The following FBLN1 variants were observed in gnomAD, a reference collection of about 807,000 sequenced individuals.
The protein encoded by FBLN1 is fibulin-1.
FBLN1 carries 34 observed loss-of-function variants against 89.7 expected under a neutral mutation model. The ratio of observed to expected loss-of-function variants is 0.38; its 90% CI spans 0.29 to 0.50. The LOEUF is 0.50. FBLN1 is among the 20% of genes least tolerant of loss of function. The pLI, the probability that FBLN1 is intolerant of heterozygous loss-of-function variation, is 0.92. For missense variants in FBLN1, 777 were observed against 988.1 expected (o/e 0.79, Z 2.86); for synonymous variants, 393 against 391.3 (o/e 1.00, Z -0.05).
rs1380152978 is a variant in FBLN1 at position 45,579,452 on chromosome 22, C to G, written c.1972+2344C>G. Among the ~76,000 whole-genome samples, 1 of 152,248 alleles carries G rather than the reference C, an allele frequency of 6.6e-6. No individual in the cohort carries two copies. Among genetic ancestry groups the G allele is most frequent in the Non-Finnish European group, 1.5e-5 (1 of 68,042 alleles). Reference sequence around the variant, plus strand: ...GGAATGTGGATGAGGCCACAAGGACCCAGCGGCTTCCCCCGGCACAGTTGG... The same window carrying G: ...GGAATGTGGATGAGGCCACAAGGACGCAGCGGCTTCCCCCGGCACAGTTGG... On this transcript the variant is annotated intron_variant, in intron 16 of 16. Coordinates refer to ENST00000327858, the MANE Select transcript of FBLN1 (RefSeq NM_006486.3). This position sits in a 1 kb window ranked among gnomAD's most constrained non-coding sequence, Gnocchi z 5.5.
intron 14 of FBLN1, among the ~76,000 whole-genome samples, chr22:45,555,294 ATGG>A (rs1417518200): frequency 7.2e-6 from 1 of 138,380 alleles, no homozygotes; most frequent in Admixed American, 7.2e-5. Flanking sequence ...TATATATAAA[ATGG>A]AATATATATA....
intron 2 of FBLN1, among the ~76,000 whole-genome samples, chr22:45,520,366 C>A (rs1265410818): frequency 1.3e-5 from 2 of 152,202 alleles, no homozygotes; most frequent in African/African-American, 4.8e-5. Flanking sequence ...TTCTGAGGCT[C>A]CTCTCCTGGG....
At chr22:45,512,224 T>C (rs2146942154) in intron 1 of FBLN1, among the ~76,000 whole-genome samples, 1 of 152,166 alleles carries the variant, frequency 6.6e-6, no homozygotes, top group Middle Eastern at 3.4e-3. Context: ...ATTATCCTCC[T>C]GACTCACAGT....
At position 45,594,220 on chromosome 22, in the gene FBLN1, G is replaced by A. The variant is rs141799489; in HGVS notation, c.1973-6087G>A. Among the ~76,000 whole-genome samples, 29 of 152,306 alleles carry A rather than the reference G, an allele frequency of 1.9e-4. No individual in the cohort carries two copies. The East Asian group carries it at 5.6e-3, about 29-fold the overall frequency. On this transcript the variant is annotated intron_variant, in intron 16 of 16. Transcript: ENST00000327858. ...TTCTTCCTCCTTCCCTTGCCTCCCTGTGTTAGAGAAGTTGGTGGTGGTTCT... is the reference window on the plus strand; with the variant it reads ...TTCTTCCTCCTTCCCTTGCCTCCCTATGTTAGAGAAGTTGGTGGTGGTTCT...
At chr22:45,547,274 C>G in intron 12 of FBLN1, 70 bp downstream of exon 12, 2 of 1,597,112 alleles carry the variant, frequency 1.3e-6, no homozygotes, top group South Asian at 1.1e-5. Flanking sequence ...AGCACGGCCT[C>G]TGACTTTCAA....
At chr22:45,509,991 C>T (rs1195499571) in intron 1 of FBLN1, among the ~76,000 whole-genome samples, 1 of 152,072 alleles carries the variant, frequency 6.6e-6, no homozygotes, top group Non-Finnish European at 1.5e-5. Context: ...CCCTCAGCTG[C>T]CTCTGAGTTT....
Position 45,543,543 on chromosome 22 carries a change from G to A in FBLN1, c.1321+17G>A, listed in dbSNP as rs768009104. 45 of 1,611,088 alleles carry A rather than the reference G, an allele frequency of 2.8e-5. No individual in the cohort carries two copies. Among genetic ancestry groups the A allele is most frequent in the Admixed American group, 1.2e-4 (7 of 59,896 alleles). Reference sequence around the variant, plus strand: ...CATGTGAAGGTGAGGCTGGGGCCCCGTCCACTCACCTCCCCCAGGTCACCT... The same window carrying A: ...CATGTGAAGGTGAGGCTGGGGCCCCATCCACTCACCTCCCCCAGGTCACCT... On this transcript the variant is annotated intron_variant, in intron 11 of 16. Transcript: ENST00000327858.
intron 1 of FBLN1, among the ~76,000 whole-genome samples, chr22:45,506,750 T>C (rs2088026575): frequency 6.6e-6 from 1 of 152,116 alleles, no homozygotes; most frequent in African/African-American, 2.4e-5. Flanking sequence ...TCCTCACCAC[T>C]GGGGGAGACT....
intron 11 of FBLN1, among the ~76,000 whole-genome samples, chr22:45,546,400 A>G (rs1201699031): frequency 6.6e-6 from 1 of 152,164 alleles, no homozygotes; most frequent in Non-Finnish European, 1.5e-5. Flanking sequence ...TATTTTTAGT[A>G]GAGATGGGTT....
At position 45,557,261 on chromosome 22, in the gene FBLN1, A is replaced by G. The variant is rs2088800380; in HGVS notation, c.1697+6646A>G. On this transcript the variant is annotated intron_variant, in intron 14 of 16. Transcript: ENST00000327858. This position sits in a 1 kb window ranked among gnomAD's most constrained non-coding sequence, Gnocchi z 4.9. ...GGCATTCTGTGAACCCACGGATGGTAGTCTTGGCAGAAGCATCGTGTGCAG... is the reference window on the plus strand; with the variant it reads ...GGCATTCTGTGAACCCACGGATGGTGGTCTTGGCAGAAGCATCGTGTGCAG... Among the ~76,000 whole-genome samples the G allele has an allele frequency of 6.6e-6, 1 of 152,208 alleles. No individual in the cohort carries two copies. The highest frequency in any genetic ancestry group is 6.5e-5 in the Admixed American group (1 of 15,286).
At chr22:45,520,200 C>T (rs975668042) in intron 2 of FBLN1, among the ~76,000 whole-genome samples, 10 of 152,258 alleles carry the variant, frequency 6.6e-5, no homozygotes, top group African/African-American at 2.4e-4. Flanking sequence ...TCAGAGATCA[C>T]CTATGAAATC....
chr22:45,592,141 C>T (rs191370169), intron 16 of FBLN1, among the ~76,000 whole-genome samples: 1 of 152,166 alleles, frequency 6.6e-6, no homozygotes, highest in Non-Finnish European at 1.5e-5. Flanking sequence ...AGTAGCGCCT[C>T]ATTTTTCTCC....
rs2088504422 is a variant in FBLN1 at position 45,537,958 on chromosome 22, T to C, written c.922+2621T>C. On this transcript the variant is annotated intron_variant, in intron 8 of 16. Coordinates refer to ENST00000327858, the MANE Select transcript of FBLN1 (RefSeq NM_006486.3). The surrounding 1 kb of genome is among the most constrained non-coding windows in gnomAD (Gnocchi z 5.7). ...GACTGAGGATGGAAACCCTGACTCA[T>C]GGCAAAATCAGCCCCGATTTCCACA... Among the ~76,000 whole-genome samples the C allele has an allele frequency of 6.6e-6, 1 of 152,236 alleles. No individual in the cohort carries two copies. The highest frequency in any genetic ancestry group is 2.1e-4 in the South Asian group (1 of 4,836).
chr22:45,569,815 C>G (rs1425963777), intron 14 of FBLN1, among the ~76,000 whole-genome samples: 1 of 152,132 alleles, frequency 6.6e-6, no homozygotes. Context: ...GGACTTTCAG[C>G]CTTCAGAACC....
At chr22:45,519,828 G>A (rs1024196169) in intron 2 of FBLN1, among the ~76,000 whole-genome samples, 1 of 152,040 alleles carries the variant, frequency 6.6e-6, no homozygotes, top group African/African-American at 2.4e-5. Flanking sequence ...TGGGTGACCT[G>A]AGCCAGCTCA....
chr22:45,544,478 A>G (rs1306021643), intron 11 of FBLN1, among the ~76,000 whole-genome samples: 1 of 152,228 alleles, frequency 6.6e-6, no homozygotes. Context: ...TTCCCCAGGC[A>G]TGTCCCCAGC....
At position 45,590,879 on chromosome 22, in the gene FBLN1, T is replaced by C. The variant is rs996924700; in HGVS notation, c.1973-9428T>C. On this transcript the variant is annotated intron_variant, in intron 16 of 16. Coordinates refer to ENST00000327858, the MANE Select transcript of FBLN1 (RefSeq NM_006486.3). The surrounding 1 kb of genome is among the most constrained non-coding windows in gnomAD (Gnocchi z 4.1). The stretch of plus-strand genomic sequence containing the variant: ...AGTGTTTGGCGTGCTTGGATTTGAA[T>C]TGTCCATCTGGGAGGGGCGTCTGGA... Among the ~76,000 whole-genome samples the C allele has an allele frequency of 2.0e-5, 3 of 151,820 alleles. No homozygotes were observed. The highest frequency in any genetic ancestry group is 7.3e-5 in the African/African-American group (3 of 41,330).
chr22:45,517,870 C>CACCCAG (rs112391539), intron 1 of FBLN1, among the ~76,000 whole-genome samples: 1,947 of 152,294 alleles, frequency 0.013, 39 homozygotes, highest in African/African-American at 0.044. Context: ...GTGGCTTATG[C>CACCCAG]CTGTAATCCC....
chr22:45,513,205 G>A (rs1168526030), intron 1 of FBLN1, among the ~76,000 whole-genome samples: 1 of 152,142 alleles, frequency 6.6e-6, no homozygotes, highest in Non-Finnish European at 1.5e-5. Flanking sequence ...ACTGTAGGAT[G>A]TTATAAGATG....
Sources: gnomAD v4.1 joint callset for allele counts (sites outside exome capture counted in the v4.1 genomes callset) on GRCh38, gnomAD v4.1.1 for gene constraint, Gnocchi (gnomAD v3.1) non-coding constraint, MANE v1.5 for transcripts, NCBI Gene and HGNC (gene_info 2026-07-23, HGNC 2026-07-21) for gene names.